The following SLC25A12 variants were observed in gnomAD, a reference collection of about 807,000 sequenced individuals.
The protein encoded by SLC25A12 is solute carrier family 25 member 12.
SLC25A12 carries 32 observed loss-of-function variants against 83.3 expected under a neutral mutation model. The ratio of observed to expected loss-of-function variants is 0.38; its 90% CI spans 0.29 to 0.52. The LOEUF (loss-of-function observed/expected upper bound fraction) is 0.52. Ranked by LOEUF, SLC25A12 falls within the 20% of genes least tolerant of loss-of-function variation. The probability of loss-of-function intolerance (pLI) is 0.84; values close to 1 mark genes in which losing one functional copy is unlikely to be tolerated. For missense variants in SLC25A12, 611 were observed against 835.6 expected (o/e 0.73, Z 3.31); for synonymous variants, 267 against 291.1 (o/e 0.92, Z 0.84).
intron 2 of SLC25A12, 93 bp downstream of exon 2, chr2:171,893,112 T>C: frequency 1.0e-6 from 1 of 983,540 alleles, no homozygotes; most frequent in South Asian, 1.4e-5. Flanking sequence ...ACATGAAAAC[T>C]GAACATTCCT....
At chr2:171,868,135 G>A (rs1443655459) in intron 3 of SLC25A12, among the ~76,000 whole-genome samples, 11 of 151,892 alleles carry the variant, frequency 7.2e-5, no homozygotes, top group Non-Finnish European at 1.3e-4. Flanking sequence ...GTGAGCCACC[G>A]CGCCCAGCCT....
At chr2:171,854,477 G>C (rs1387014566) in intron 4 of SLC25A12, among the ~76,000 whole-genome samples, 1 of 152,076 alleles carries the variant, frequency 6.6e-6, no homozygotes, top group Non-Finnish European at 1.5e-5. Context: ...TGAGGCAGGA[G>C]AATCACTTGA....
chr2:171,893,303 G>A (rs772946018), intron 1 of SLC25A12, 45 bp from the exon 2 acceptor site: 20 of 1,506,288 alleles, frequency 1.3e-5, no homozygotes, highest in Non-Finnish European at 1.6e-5. Flanking sequence ...CTTCACTAGA[G>A]ACCACACAAT....
At chr2:171,864,256 G>A (rs1685233338) in intron 3 of SLC25A12, among the ~76,000 whole-genome samples, 1 of 152,188 alleles carries the variant, frequency 6.6e-6, no homozygotes, top group Non-Finnish European at 1.5e-5. Context: ...AGGCCCTGGA[G>A]GCTTGGAGAT....
intron 13 of SLC25A12, among the ~76,000 whole-genome samples, chr2:171,806,362 G>A (rs1406405404): frequency 2.0e-5 from 3 of 152,174 alleles, no homozygotes; most frequent in Non-Finnish European, 2.9e-5. Flanking sequence ...GGCTGAGGCA[G>A]GAGAATCGCA....
chr2:171,848,134 C>T (rs1014404491), intron 4 of SLC25A12: 37 of 469,858 alleles, frequency 7.9e-5, no homozygotes, highest in Admixed American at 4.7e-4. Flanking sequence ...ATGGGCACTT[C>T]CTACTGGTCT....
At chr2:171,793,538 C>T in intron 14 of SLC25A12, 89 bp downstream of exon 14, 3 of 1,347,886 alleles carry the variant, frequency 2.2e-6, no homozygotes, top group Non-Finnish European at 1.1e-6. Context: ...CCCTGCTGGA[C>T]AAGATTGCTT....
At chr2:171,869,723 T>G (rs1685418155) in intron 2 of SLC25A12, among the ~76,000 whole-genome samples, 1 of 152,322 alleles carries the variant, frequency 6.6e-6, no homozygotes, top group South Asian at 2.1e-4. Flanking sequence ...CTCCTTGAGT[T>G]GCATCAGATT....
chr2:171,823,227 A>T (rs1016518637), intron 9 of SLC25A12, among the ~76,000 whole-genome samples: 2 of 152,234 alleles, frequency 1.3e-5, no homozygotes, highest in Non-Finnish European at 1.5e-5. Context: ...ATTCTACTTG[A>T]GTCCAGCCTG....
At chr2:171,888,295 C>T (rs1416530076) in intron 2 of SLC25A12, among the ~76,000 whole-genome samples, 2 of 151,728 alleles carry the variant, frequency 1.3e-5, no homozygotes, top group East Asian at 3.9e-4. Context: ...CATGGAATCT[C>T]GCTTTGTTGC....
At chr2:171,796,123 T>G (rs1683592492) in intron 13 of SLC25A12, among the ~76,000 whole-genome samples, 1 of 152,148 alleles carries the variant, frequency 6.6e-6, no homozygotes, top group South Asian at 2.1e-4. Context: ...TTTTTGTATT[T>G]TTTGTAGAGA....
chr2:171,806,104 T>G (rs57718990), intron 13 of SLC25A12, among the ~76,000 whole-genome samples: 33,652 of 151,930 alleles, frequency 0.22, 4,555 homozygotes, highest in East Asian at 0.56. Flanking sequence ...CAGACTGAGA[T>G]CCTGTCTCAA....
At chr2:171,842,261 T>C (rs1422292748) in intron 5 of SLC25A12, among the ~76,000 whole-genome samples, 7 of 151,604 alleles carry the variant, frequency 4.6e-5, no homozygotes, top group Non-Finnish European at 8.8e-5. Flanking sequence ...CTTAAAAACA[T>C]TATGCTAAGT....
At chr2:171,819,527 C>A (rs1055256624) in intron 9 of SLC25A12, among the ~76,000 whole-genome samples, 1 of 143,380 alleles carries the variant, frequency 7.0e-6, no homozygotes, top group Non-Finnish European at 1.5e-5. Flanking sequence ...TTTCTCTCAG[C>A]AAAAAGGGAG....
chr2:171,867,802 G>A (rs1007465476), intron 3 of SLC25A12, among the ~76,000 whole-genome samples: 1 of 152,164 alleles, frequency 6.6e-6, no homozygotes, highest in Admixed American at 6.5e-5. Context: ...GATTAATATT[G>A]ATGCAGCAGT....
chr2:171,804,638 G>A (rs1428634757), intron 13 of SLC25A12, among the ~76,000 whole-genome samples: 1 of 152,200 alleles, frequency 6.6e-6, no homozygotes, highest in Non-Finnish European at 1.5e-5. Flanking sequence ...GAGGCCAAGT[G>A]CAGTGGCTCG....
At chr2:171,849,968 A>AT (rs1684887763) in intron 4 of SLC25A12, among the ~76,000 whole-genome samples, 2 of 151,102 alleles carry the variant, frequency 1.3e-5, no homozygotes, top group African/African-American at 4.9e-5. Flanking sequence ...TAACTGGCTA[A>AT]TTTTTTTGTA....
At position 171,893,939 on chromosome 2, in the gene SLC25A12, G is replaced by A. The variant is rs182845407; in HGVS notation, c.12+264C>T. 4.6e-3 allele frequency among the ~76,000 whole-genome samples: 702 copies of A among 152,004 alleles called. 1 individual carries two copies. Among genetic ancestry groups the A allele is most frequent in the Admixed American group, 7.3e-3 (111 of 15,268 alleles). ...CGGACTCACAATCCCATGCACCTAG[G>A]ACAGGACATTACTCTTCCTTCACTG... is the stretch of plus-strand genomic sequence containing the variant. On this transcript the variant is annotated intron_variant, in intron 1 of 17. Coordinates refer to ENST00000422440, the MANE Select transcript of SLC25A12 (RefSeq NM_003705.5).
chr2:171,871,713 T>G, intron 2 of SLC25A12: 2 of 985,052 alleles, frequency 2.0e-6, no homozygotes, highest in Non-Finnish European at 2.4e-6. Flanking sequence ...CCATCAGGAA[T>G]AGCACAGATC....
Sources: allele counts gnomAD v4.1 joint callset (sites outside exome capture counted in the v4.1 genomes callset), GRCh38; gene constraint gnomAD v4.1.1; transcripts MANE v1.5; gene names NCBI Gene and HGNC (gene_info 2026-07-23, HGNC 2026-07-21).